Variants in ROS1 observed in about 807,000 individuals in gnomAD.
The protein encoded by ROS1 is proto-oncogene tyrosine-protein kinase ROS.
Under a neutral mutation model 273.5 loss-of-function variants are expected in ROS1, and 263 were observed. That is an observed-to-expected ratio of 0.96 (90% CI 0.87 to 1.06). The LOEUF (loss-of-function observed/expected upper bound fraction) is 1.06, where lower values mean the gene tolerates loss of function less well. ROS1 is among the 50% of genes least tolerant of loss of function. The probability of loss-of-function intolerance (pLI) is 0.00; values close to 1 mark genes in which losing one functional copy is unlikely to be tolerated. For missense variants in ROS1, 2,833 were observed against 2,751.1 expected (o/e 1.03, Z -0.67); for synonymous variants, 1,008 against 954.1 (o/e 1.06, Z -1.04).
intron 1 of ROS1, among the ~76,000 whole-genome samples, chr6:117,424,645 C>T (rs1291502263): frequency 6.6e-6 from 1 of 151,976 alleles, no homozygotes; most frequent in Non-Finnish European, 1.5e-5. Flanking sequence ...TAAAAAAATG[C>T]TACTAACCAT....
At chr6:117,289,810 GAACACCTGTGGAAGGTATTC>G (rs1178989605) in intron 43 of ROS1, among the ~76,000 whole-genome samples, 5 of 152,274 alleles carry the variant, frequency 3.3e-5, no homozygotes, top group Admixed American at 2.0e-4. Context: ...CCTGGGTGTT[GAACACCTGTGGAAGGTATTC>G]AACACCTGTG....
At chr6:117,323,608 A>G (rs1776434051) in intron 35 of ROS1, among the ~76,000 whole-genome samples, 1 of 152,190 alleles carries the variant, frequency 6.6e-6, no homozygotes, top group African/African-American at 2.4e-5. Flanking sequence ...ATTTGTGCTG[A>G]AACAGAAATA....
chr6:117,381,930 C>T (rs536059199), intron 17 of ROS1, among the ~76,000 whole-genome samples: 1 of 152,124 alleles, frequency 6.6e-6, no homozygotes, highest in Non-Finnish European at 1.5e-5. Context: ...CCCAAACATG[C>T]TGAGATGACT....
rs770673743 is a variant in ROS1 at position 117,356,924 on chromosome 6, G to GA, written c.3840-10dup. On this transcript the variant is annotated splice_polypyrimidine_tract_variant and intron_variant, in intron 25 of 43. Transcript: ENST00000368507. ...CTGTCCAATACAAGCGACTATAGAG[G>GA]AAAAAAAAGTCCCCCCAACTTAATG... is the stretch of plus-strand genomic sequence containing the variant. 1.8e-5 allele frequency: 28 copies of GA among 1,580,072 alleles called. No homozygotes were observed. The highest frequency in any genetic ancestry group is 2.3e-5 in the South Asian group (2 of 86,316).
At position 117,360,019 on chromosome 6, in the gene ROS1, C is replaced by CA. The variant is rs781021077; in HGVS notation, c.3431-9dup. 31 of 1,602,240 alleles carry CA rather than the reference C, an allele frequency of 1.9e-5. No homozygotes were observed. In the Admixed American group the frequency reaches 3.2e-4, roughly 17 times the overall value. ...GAGGAAATGGGTTGATTTCTGAAAGCAAAAAAACATGTAGATAATATGCAT... is the reference window on the plus strand; with the variant it reads ...GAGGAAATGGGTTGATTTCTGAAAGCAAAAAAAACATGTAGATAATATGCAT... On this transcript the variant is annotated splice_polypyrimidine_tract_variant and intron_variant, in intron 23 of 43. Transcript: ENST00000368507.
In ROS1 at chr6:117,416,243, C is replaced by A. The variant is rs1582898289; in HGVS notation, c.228+15G>T. The A allele has an allele frequency of 8.2e-6, 12 of 1,461,622 alleles. No homozygotes were observed. In the East Asian group the frequency reaches 2.7e-4, roughly 33 times the overall value. 90.5% of individuals were successfully genotyped at this position (1,461,622 alleles called of 1,614,324 possible). A position where few individuals can be genotyped will look rare whatever the true frequency, so the allele number is the denominator to read the frequency against. On this transcript the variant is annotated intron_variant, in intron 3 of 43. Coordinates refer to ENST00000368507, the MANE Select transcript of ROS1 (RefSeq NM_001378902.1). ...GAAACATCAGTATCAAAATAGAAAT[C>A]TAATTAATACTTACACACTTTAAAG... is the stretch of plus-strand genomic sequence containing the variant.
intron 27 of ROS1, among the ~76,000 whole-genome samples, chr6:117,344,637 T>C (rs1380719442): frequency 6.6e-6 from 1 of 152,176 alleles, no homozygotes; most frequent in African/African-American, 2.4e-5. Flanking sequence ...GATGTGCTTA[T>C]CACTGTGGCG....
chr6:117,404,220 CAAA>C (rs373760201), intron 6 of ROS1, 57 bp downstream of exon 6: 255 of 1,332,592 alleles, frequency 1.9e-4, no homozygotes, highest in Admixed American at 3.6e-4. Context: ...GACTCCGTCT[CAAA>C]AAAAAAAAAA....
intron 21 of ROS1, among the ~76,000 whole-genome samples, chr6:117,364,670 A>G (rs190218099): frequency 4.5e-4 from 68 of 152,314 alleles, no homozygotes; most frequent in African/African-American, 1.6e-3. Context: ...CAAAACATTA[A>G]ATTTAGATAT....
Position 117,383,304 on chromosome 6 carries a change from T to C in ROS1, c.2481+13A>G, listed in dbSNP as rs1480350981. ...TCAGTATTACTAAATGATCAGATCT[T>C]TTAATTTGTCACCTTTTTCCCAGAA... On this transcript the variant is annotated intron_variant, in intron 17 of 43. Transcript: ENST00000368507. 1.9e-6 allele frequency: 3 copies of C among 1,601,742 alleles called. No individual in the cohort carries two copies. The South Asian group carries it at 3.3e-5, about 18-fold the overall frequency.
intron 17 of ROS1, among the ~76,000 whole-genome samples, chr6:117,382,757 C>T (rs1339352392): frequency 2.0e-5 from 3 of 151,966 alleles, no homozygotes; most frequent in African/African-American, 4.8e-5. Context: ...TTACTTTGTA[C>T]CTGGAACTAT....
intron 18 of ROS1, among the ~76,000 whole-genome samples, chr6:117,366,594 A>T (rs994865488): frequency 6.6e-6 from 1 of 151,704 alleles, no homozygotes; most frequent in Middle Eastern, 3.2e-3. Flanking sequence ...GTTCGCTGCA[A>T]CCTCTGCCTT....
intron 23 of ROS1, 53 bp from the exon 24 acceptor site, chr6:117,360,064 T>C (rs1779663733): frequency 7.0e-7 from 1 of 1,420,790 alleles, no homozygotes; most frequent in Non-Finnish European, 9.8e-7. Flanking sequence ...GACTTTAGCT[T>C]AGCAAAGTCT....
intron 43 of ROS1, among the ~76,000 whole-genome samples, chr6:117,292,331 T>C (rs986411231): frequency 2.0e-5 from 3 of 152,160 alleles, no homozygotes; most frequent in South Asian, 2.1e-4. Flanking sequence ...GAGCAAAGAG[T>C]TGAATTTTAG....
chr6:117,415,307 C>T (rs1380892187), intron 3 of ROS1, among the ~76,000 whole-genome samples: 2 of 152,146 alleles, frequency 1.3e-5, no homozygotes, highest in Non-Finnish European at 2.9e-5. Context: ...TGCAAGGACA[C>T]ACTATATAAG....
At chr6:117,309,032 G>T in intron 41 of ROS1, 104 bp from the exon 42 acceptor site, 1 of 1,139,124 alleles carries the variant, frequency 8.8e-7, no homozygotes. Context: ...GGTCTACTTT[G>T]TCAGTGTATT....
At chr6:117,351,931 A>G (rs1187020005) in intron 27 of ROS1, among the ~76,000 whole-genome samples, 1 of 152,356 alleles carries the variant, frequency 6.6e-6, no homozygotes, top group South Asian at 2.1e-4. Context: ...TTCAATTTAC[A>G]TATTTTATAA....
intron 2 of ROS1, among the ~76,000 whole-genome samples, chr6:117,418,111 T>C (rs1775471995): frequency 6.6e-6 from 1 of 152,226 alleles, no homozygotes. Context: ...AATGAATACA[T>C]GTGCAGAACA....
rs1291137583 is a variant in ROS1 at position 117,380,359 on chromosome 6, T to C, written c.2482-1200A>G. ...GTACATGACGACAAAAACCCTTCGGTTGTCATACAAATCACAGCCTTCTAT... is the reference window on the plus strand; with the variant it reads ...GTACATGACGACAAAAACCCTTCGGCTGTCATACAAATCACAGCCTTCTAT... On this transcript the variant is annotated intron_variant, in intron 17 of 43. Transcript: ENST00000368507. Among the ~76,000 whole-genome samples the C allele has an allele frequency of 2.0e-5, 3 of 152,086 alleles. No individual in the cohort carries two copies. In the East Asian group the frequency reaches 5.8e-4, roughly 29 times the overall value.
Sources: allele counts gnomAD v4.1 joint callset (sites outside exome capture counted in the v4.1 genomes callset), GRCh38; gene constraint gnomAD v4.1.1; transcripts MANE v1.5; gene names NCBI Gene and HGNC (gene_info 2026-07-23, HGNC 2026-07-21).